The following PEAK1 variants were observed in gnomAD, a reference collection of about 807,000 sequenced individuals.
The protein encoded by PEAK1 is pseudopodium enriched atypical kinase 1.
PEAK1 carries 54 observed loss-of-function variants against 124.7 expected under a neutral mutation model. The observed-to-expected ratio is 0.43, with a 90% CI of 0.35 to 0.54. The LOEUF (loss-of-function observed/expected upper bound fraction) is 0.54, where lower values mean the gene tolerates loss of function less well. PEAK1 is among the 20% of genes least tolerant of loss of function. The pLI, the probability that PEAK1 is intolerant of heterozygous loss-of-function variation, is 0.01. For missense variants in PEAK1, 2,046 were observed against 2,134.5 expected (o/e 0.96, Z 0.82); for synonymous variants, 719 against 760.0 (o/e 0.95, Z 0.89).
At chr15:77,146,763 G>A (rs1371228282) in intron 8 of PEAK1, among the ~76,000 whole-genome samples, 1 of 152,198 alleles carries the variant, frequency 6.6e-6, no homozygotes, top group Non-Finnish European at 1.5e-5. Flanking sequence ...TAGCTATGCA[G>A]TGTGTGGAAT....
chr15:77,378,359 G>A (rs887322707), intron 1 of PEAK1, among the ~76,000 whole-genome samples: 1 of 151,950 alleles, frequency 6.6e-6, no homozygotes, highest in Non-Finnish European at 1.5e-5. Flanking sequence ...CATGGGCAGT[G>A]GAAGTCATAA....
chr15:77,155,314 G>A (rs1322839967), intron 8 of PEAK1: 1 of 152,110 alleles, frequency 6.6e-6, no homozygotes, highest in South Asian at 2.1e-4. Flanking sequence ...CATAGTTCTC[G>A]AGTCTTAGCT....
chr15:77,125,709 G>C (rs2052317354), intron 9 of PEAK1, among the ~76,000 whole-genome samples: 1 of 152,182 alleles, frequency 6.6e-6, no homozygotes. Flanking sequence ...TAAATTCTTA[G>C]CCACTTTGTT....
At chr15:77,348,618 T>C (rs1439708916) in intron 2 of PEAK1, 1 of 983,540 alleles carries the variant, frequency 1.0e-6, no homozygotes, top group Non-Finnish European at 1.2e-6. Context: ...CTTGCTTAAT[T>C]CCTAAATGTG....
At chr15:77,176,247 TATA>T (rs1447151893) in intron 7 of PEAK1, among the ~76,000 whole-genome samples, 1 of 61,260 alleles carries the variant, frequency 1.6e-5, no homozygotes, top group Non-Finnish European at 3.6e-5. Flanking sequence ...AAACTTAAAG[TATA>T]ATAATAAGAA....
rs2051242802 is a variant in PEAK1 at position 77,115,118 on chromosome 15, C to T, written c.4279G>A (p.Gly1427Arg). Reference protein sequence around the residue: ...DMEETEEDAKGETDGKNPKPC... With the variant: ...DMEETEEDAKRETDGKNPKPC... Reference sequence around the variant, plus strand: ...TTTGGGTTTTTCCCATCCGTTTCTCCTTTGGCGTCTTCTTCAGTCTCTTCC... The same window carrying T: ...TTTGGGTTTTTCCCATCCGTTTCTCTTTTGGCGTCTTCTTCAGTCTCTTCC... Residue 1427 changes from glycine (G) to arginine (R), a missense_variant, in exon 10 of 10, where the codon GGA (glycine) becomes AGA (arginine). By Grantham distance (125) the Gly-to-Arg change is moderately radical. Coordinates refer to ENST00000682557, the MANE Select transcript of PEAK1 (RefSeq NM_001385026.1). 6 of 1,614,162 alleles carry T rather than the reference C, an allele frequency of 3.7e-6. No homozygotes were observed. Among genetic ancestry groups the T allele is most frequent in the Non-Finnish European group, 5.1e-6 (6 of 1,180,028 alleles).
chr15:77,179,034 G>T lies in PEAK1; in HGVS notation c.2893C>A (p.Pro965Thr). The T allele has an allele frequency of 6.2e-7, 1 of 1,614,132 alleles. No individual in the cohort carries two copies. Among genetic ancestry groups the T allele is most frequent in the Non-Finnish European group, 8.5e-7 (1 of 1,180,030 alleles). ...LDGTVIHMLP[P>T]PPVQRHHWFT... ...CAGTGATGGCGCTGAACTGGAGGAG[G>T]AGGCAGCATGTGAATGACTGTGCCA... The change falls in exon 7 of 10, where the codon CCT becomes ACT. Residue 965 changes from proline to threonine, a missense_variant. By Grantham distance (38) the Pro-to-Thr change is conservative (BLOSUM62 -1). Transcript: ENST00000682557.
Position 77,115,009 on chromosome 15 carries a change from G to A in PEAK1, c.4388C>T (p.Thr1463Ile), listed in dbSNP as rs774539611. 1.9e-6 allele frequency: 3 copies of A among 1,614,110 alleles called. No individual in the cohort carries two copies. The highest frequency in any genetic ancestry group is 1.1e-5 in the South Asian group (1 of 91,080). Residue 1463 changes from threonine (T) to isoleucine (I), a missense_variant, in exon 10 of 10, where the codon ACC becomes ATC. Physicochemically the swap from Thr to Ile is moderately conservative, Grantham distance 89 (BLOSUM62 -1). Transcript: ENST00000682557. Reference protein sequence around the residue: ...KKQRSHVVVITREVPCLTVAD... With the variant: ...KKQRSHVVVIIREVPCLTVAD... ...CACAGTAAGACATGGAACCTCCCTG[G>A]TGATGACCACAACGTGGCTCCTCTG...
At chr15:77,399,090 T>C (rs560389284) in intron 1 of PEAK1, among the ~76,000 whole-genome samples, 155 of 152,062 alleles carry the variant, frequency 1.0e-3, no homozygotes, top group Non-Finnish European at 1.8e-3. Flanking sequence ...CTATAAAACA[T>C]TGATGAAATA....
Position 77,214,371 on chromosome 15 carries a change from C to T in PEAK1, c.-114-32331G>A, listed in dbSNP as rs377493187. Reference sequence around the variant, plus strand: ...GTGGCTCACGTCTGTAATCCCAGTACTTTGGGAGGCTGAGGTGGGCAGATC... The same window carrying T: ...GTGGCTCACGTCTGTAATCCCAGTATTTTGGGAGGCTGAGGTGGGCAGATC... On this transcript the variant is annotated intron_variant, in intron 6 of 9. Coordinates refer to ENST00000682557, the MANE Select transcript of PEAK1 (RefSeq NM_001385026.1). 3.8e-4 allele frequency among the ~76,000 whole-genome samples: 58 copies of T among 151,600 alleles called. 1 individual carries two copies. In the East Asian group the frequency reaches 9.3e-3, roughly 24 times the overall value.
intron 1 of PEAK1, chr15:77,402,998 T>A: frequency 1.0e-6 from 1 of 985,434 alleles, no homozygotes; most frequent in Non-Finnish European, 1.2e-6. Context: ...TCTTGCATTA[T>A]GATTTTGTTA....
intron 6 of PEAK1, among the ~76,000 whole-genome samples, chr15:77,230,995 T>C (rs2152896174): frequency 6.6e-6 from 1 of 152,126 alleles, no homozygotes; most frequent in East Asian, 1.9e-4. Flanking sequence ...GACTTTATTG[T>C]GTTTAGTTTG....
intron 6 of PEAK1, among the ~76,000 whole-genome samples, chr15:77,224,239 G>T (rs1055389894): frequency 1.3e-5 from 2 of 151,196 alleles, no homozygotes; most frequent in Non-Finnish European, 3.0e-5. Context: ...TTATAACCTT[G>T]TAAACTAACA....
At chr15:77,319,006 C>T (rs1257892083) in intron 2 of PEAK1, among the ~76,000 whole-genome samples, 1 of 152,114 alleles carries the variant, frequency 6.6e-6, no homozygotes, top group East Asian at 1.9e-4. Context: ...TAAAGCTTTG[C>T]CACACCTTGC....
At chr15:77,266,409 C>G (rs1161389446) in intron 5 of PEAK1, among the ~76,000 whole-genome samples, 1 of 152,130 alleles carries the variant, frequency 6.6e-6, no homozygotes, top group Non-Finnish European at 1.5e-5. Flanking sequence ...GCGCCTCCTG[C>G]CAAGTGTCAC....
intron 6 of PEAK1, among the ~76,000 whole-genome samples, chr15:77,235,672 A>C (rs2060088602): frequency 1.3e-5 from 2 of 152,218 alleles, no homozygotes; most frequent in South Asian, 4.1e-4. Flanking sequence ...TGGGCAGCTG[A>C]ATGTTAATCA....
chr15:77,134,377 C>T (rs573617114), intron 8 of PEAK1, among the ~76,000 whole-genome samples: 5 of 152,256 alleles, frequency 3.3e-5, no homozygotes, highest in East Asian at 3.9e-4. Context: ...AACTGGTCTA[C>T]GTAAAAGATT....
intron 2 of PEAK1, chr15:77,336,059 A>G: frequency 1.3e-5 from 13 of 985,464 alleles, no homozygotes; most frequent in Non-Finnish European, 1.6e-5. Context: ...TAACAAGAAT[A>G]ACAGTGCCAT....
downstream of PEAK1, chr15:77,103,930 T>C (rs1026821746): frequency 6.6e-6 from 1 of 152,468 alleles, no homozygotes; most frequent in East Asian, 1.9e-4. Flanking sequence ...CAGATCTGAC[T>C]GCTCAGCCTA....
Sources: gnomAD v4.1 joint callset for allele counts (sites outside exome capture counted in the v4.1 genomes callset) on GRCh38, gnomAD v4.1.1 for gene constraint, MANE v1.5 for transcripts, NCBI Gene and HGNC (gene_info 2026-07-23, HGNC 2026-07-21) for gene names.